Variants in ZNF799 observed in about 807,000 individuals in gnomAD.
ZNF799 encodes the protein zinc finger protein 14.
In ZNF799, 28 loss-of-function variants were observed where a neutral mutation model predicts 41.0. The observed-to-expected ratio is 0.68, with a 90% CI of 0.51 to 0.94. The LOEUF (loss-of-function observed/expected upper bound fraction) is 0.94. Ranked by LOEUF, ZNF799 falls within the 40% of genes least tolerant of loss-of-function variation. The pLI is 0.00. For missense variants in ZNF799, 716 were observed against 764.3 expected (o/e 0.94, Z 0.74); for synonymous variants, 213 against 252.9 (o/e 0.84, Z 1.50).
rs891595734 is a variant in ZNF799, at chr19:12,401,215, G to C, written c.-145C>G. The C allele has an allele frequency of 8.6e-6, 13 of 1,514,140 alleles. No individual in the cohort carries two copies. In the South Asian group the frequency reaches 1.2e-4, roughly 14 times the overall value. 93.8% of individuals were successfully genotyped at this position (1,514,140 alleles called of 1,614,324 possible). On this transcript the variant is annotated 5_prime_UTR_variant, in exon 1 of 4. Coordinates refer to ENST00000430385, the MANE Select transcript of ZNF799 (RefSeq NM_001080821.3). ...CGAGCGCCCAGCGCAGGTGGGTGGA[G>C]AAGACGCCGCGGGCTTTTTCAACCA...
chr19:12,390,752 C>T lies in ZNF799; in HGVS notation c.1646G>A (p.Arg549Gln), dbSNP rs201774632. The T allele has an allele frequency of 8.4e-4, 1,349 of 1,613,984 alleles. 1 individual carries two copies. The highest frequency in any genetic ancestry group is 1.1e-3 in the Non-Finnish European group (1,263 of 1,179,960). Residue 549 changes from arginine (R) to glutamine (Q), a missense_variant, in exon 4 of 4, where the codon CGA (arginine) becomes CAA (glutamine). Physicochemically the swap from Arg to Gln is conservative, Grantham distance 43. This residue lies in a region of ZNF799 where 698 missense variants were observed against 713.6 expected (regional missense o/e 0.98). Coordinates refer to ENST00000430385, the MANE Select transcript of ZNF799 (RefSeq NM_001080821.3). ...CTCTCTCATGTGAATTCTTTCATGT[C>T]GTAGAAAGCAAGTGAGCCAAGAGAA... Reference protein sequence around the residue: ...KAFSWLTCFLRHERIHMREKP... With the variant: ...KAFSWLTCFLQHERIHMREKP...
chr19:12,411,774 C>T, the ZNF799 span, among the ~76,000 whole-genome samples: 7 of 151,660 alleles, frequency 4.6e-5, 1 homozygote, highest in Admixed American at 3.9e-4. Context: ...CACCACACCC[C>T]GCTAATTTTT....
At chr19:12,403,474 G>C (rs1357706256), upstream of ZNF799, among the ~76,000 whole-genome samples, 1 of 149,752 alleles carries the variant, frequency 6.7e-6, no homozygotes, top group Non-Finnish European at 1.5e-5. Context: ...TTTTGGGTTT[G>C]GTTTGCTCTT....
chr19:12,406,653 T>C, the ZNF799 span, among the ~76,000 whole-genome samples: 4 of 151,422 alleles, frequency 2.6e-5, no homozygotes, highest in Non-Finnish European at 4.4e-5. Context: ...GTAATCCCAG[T>C]ACTTTGGGAG....
At position 12,391,972 on chromosome 19, in the gene ZNF799, C is replaced by A; in HGVS notation, c.426G>T (p.Thr142=). The A allele has an allele frequency of 2.5e-6, 4 of 1,614,154 alleles. No individual in the cohort carries two copies. Among genetic ancestry groups the A allele is most frequent in the Non-Finnish European group, 3.4e-6 (4 of 1,180,018 alleles). The part of the protein sequence containing the change: ...EYHECGEKPD[T]HKQRGKAFSY... ...TGAAGGCTTTCCCACGTTGTTTATG[C>A]GTATCTGGCTTCTCTCCACATTCAT... The change falls in exon 4 of 4, where the codon ACG becomes ACT. Residue 142 remains threonine (T), a synonymous_variant. Transcript: ENST00000430385.
chr19:12,401,863 C>T (rs994212135), upstream of ZNF799, among the ~76,000 whole-genome samples: 1 of 152,120 alleles, frequency 6.6e-6, no homozygotes, highest in Admixed American at 6.5e-5. Flanking sequence ...CGTGAGCCAT[C>T]GCGCCTGGCT....
chr19:12,399,271 G>A (rs1053557032), intron 1 of ZNF799, among the ~76,000 whole-genome samples: 2 of 152,176 alleles, frequency 1.3e-5, no homozygotes, highest in Admixed American at 6.5e-5. Context: ...TGCCTTGTGT[G>A]CTTTTCAGGA....
At chr19:12,404,498 A>C (rs1323681565), upstream of ZNF799, among the ~76,000 whole-genome samples, 1 of 151,898 alleles carries the variant, frequency 6.6e-6, no homozygotes, top group Non-Finnish European at 1.5e-5. Context: ...GCAATGTTGC[A>C]ATCTTGGCTT....
chr19:12,401,652 C>T (rs1300705495), upstream of ZNF799, among the ~76,000 whole-genome samples: 3 of 144,800 alleles, frequency 2.1e-5, no homozygotes, highest in Admixed American at 7.2e-5. Flanking sequence ...AGGCTCACTG[C>T]GACCTCCGCC....
At chr19:12,392,887 C>T (rs1435470979) in intron 2 of ZNF799, among the ~76,000 whole-genome samples, 5 of 152,204 alleles carry the variant, frequency 3.3e-5, no homozygotes, top group African/African-American at 1.2e-4. Context: ...CCTCCTCTTA[C>T]TCAGCCTACT....
At chr19:12,402,446 C>G (rs967016579), upstream of ZNF799, among the ~76,000 whole-genome samples, 2 of 119,966 alleles carry the variant, frequency 1.7e-5, no homozygotes, top group African/African-American at 6.7e-5. Context: ...ACTTATTGCT[C>G]TAGCTGGGAC....
the ZNF799 span, among the ~76,000 whole-genome samples, chr19:12,414,710 G>T: frequency 6.6e-6 from 1 of 152,174 alleles, no homozygotes; most frequent in East Asian, 1.9e-4. Flanking sequence ...TTCTATAAAG[G>T]AATCAAAAGA....
the ZNF799 span, among the ~76,000 whole-genome samples, chr19:12,406,517 G>A: frequency 6.6e-6 from 1 of 151,290 alleles, no homozygotes; most frequent in African/African-American, 2.4e-5. Flanking sequence ...TAAAATAACC[G>A]TCTCAAATAT....
intron 1 of ZNF799, among the ~76,000 whole-genome samples, chr19:12,396,081 A>G (rs898632270): frequency 6.6e-6 from 1 of 152,248 alleles, no homozygotes; most frequent in Non-Finnish European, 1.5e-5. Context: ...AAAGAAGAAG[A>G]ATCCAATTTT....
the ZNF799 span, among the ~76,000 whole-genome samples, chr19:12,412,750 T>G: frequency 1.3e-5 from 2 of 151,904 alleles, no homozygotes; most frequent in African/African-American, 2.4e-5. Flanking sequence ...GTAAACAATC[T>G]TATCCTGGGC....
At chr19:12,393,871 G>C in intron 1 of ZNF799, 1 of 436,524 alleles carries the variant, frequency 2.3e-6, no homozygotes, top group Non-Finnish European at 3.1e-6. Flanking sequence ...GGCCCCAGGA[G>C]CGTAACTAAT....
intron 3 of ZNF799, 88 bp downstream of exon 3, chr19:12,392,515 T>A: frequency 7.9e-7 from 1 of 1,273,714 alleles, no homozygotes; most frequent in Non-Finnish European, 1.1e-6. Context: ...AAGCTAGGCT[T>A]GTTCATTTTC....
chr19:12,409,072 A>G, the ZNF799 span, among the ~76,000 whole-genome samples: 1 of 151,954 alleles, frequency 6.6e-6, no homozygotes, highest in Non-Finnish European at 1.5e-5. Flanking sequence ...GCAGTCCCCA[A>G]CCTTTTTGGC....
intron 1 of ZNF799, among the ~76,000 whole-genome samples, chr19:12,399,558 C>T (rs28367513): frequency 0.023 from 3,248 of 143,566 alleles, 139 homozygotes; most frequent in African/African-American, 0.09. Flanking sequence ...GGCCACACCC[C>T]CCATCTCAGG....
Sources: gnomAD v4.1 joint callset for allele counts (sites outside exome capture counted in the v4.1 genomes callset) on GRCh38, gnomAD v4.1.1 for gene constraint, gnomAD v4.1.1 regional missense constraint, MANE v1.5 for transcripts, NCBI Gene and HGNC (gene_info 2026-07-23, HGNC 2026-07-21) for gene names.